SLC43A3: variants seen among roughly 807,000 people sequenced by gnomAD.
SLC43A3 encodes equilibrative nucleobase transporter 1.
In SLC43A3, 33 loss-of-function variants were observed where a neutral mutation model predicts 53.3. The ratio of observed to expected loss-of-function variants is 0.62; its 90% CI spans 0.47 to 0.83. SLC43A3 has a LOEUF of 0.83. Ranked by LOEUF, SLC43A3 falls within the 40% of genes least tolerant of loss-of-function variation. The probability of loss-of-function intolerance (pLI) is 0.00; values close to 1 mark genes in which losing one functional copy is unlikely to be tolerated. For synonymous variants in SLC43A3, 236 were observed against 246.2 expected, an observed-to-expected ratio of 0.96 and a Z score of 0.39; for missense variants, 530 against 610.0, an observed-to-expected ratio of 0.87 and a Z score of 1.38.
At chr11:57,409,021 C>A (rs960168564) in intron 13 of SLC43A3, among the ~76,000 whole-genome samples, 154 bp downstream of exon 13, 4 of 152,226 alleles carry the variant, frequency 2.6e-5, no homozygotes, top group African/African-American at 9.6e-5. Context: ...TTTCCCCACA[C>A]ACACAAATAC....
At chr11:57,409,848 C>G in intron 12 of SLC43A3, 87 bp downstream of exon 12, 1 of 1,335,144 alleles carries the variant, frequency 7.5e-7, no homozygotes, top group Non-Finnish European at 1.0e-6. Flanking sequence ...GCCTCCAGGC[C>G]CCGCCTTGCC....
At chr11:57,425,864 G>GAGAGC (rs376088991) in intron 3 of SLC43A3, 125 bp downstream of exon 3, 1 of 1,330,160 alleles carries the variant, frequency 7.5e-7, no homozygotes, top group African/African-American at 1.5e-5. Flanking sequence ...CAAGTGGGGT[G>GAGAGC]AGAGCTGCTG....
rs1942269650 is a variant in SLC43A3, at chr11:57,407,864, C to T, written c.1404G>A (p.Leu468=). The change falls in exon 14 of 14, where the codon CTG becomes CTA. Residue 468 remains leucine, a synonymous_variant. Transcript: ENST00000395124. ...VNVMFMLAIL[L]TFFHPFLVYR... is the part of the protein sequence containing the mutation. ...ATACCAGAAAGGGGTGGAAGAATGT[C>T]AGAAGAATGGCAAGCATGAACATCA... 6.2e-7 allele frequency: 1 copy of T among 1,613,682 alleles called. No homozygotes were observed. The highest frequency in any genetic ancestry group is 8.5e-7 in the Non-Finnish European group (1 of 1,179,636).
chr11:57,409,387 G>C, intron 12 of SLC43A3, 89 bp from the exon 13 acceptor site: 2 of 1,489,080 alleles, frequency 1.3e-6, no homozygotes, highest in Admixed American at 3.5e-5. Context: ...TCGGCCGCTT[G>C]TCCCCAGCTC....
At chr11:57,408,199 C>A (rs920105022) in intron 13 of SLC43A3, 5 of 288,192 alleles carry the variant, frequency 1.7e-5, no homozygotes, top group African/African-American at 1.1e-4. Flanking sequence ...GTAGAGGCAC[C>A]AGCTAGAATA....
chr11:57,418,034 T>C lies in SLC43A3; in HGVS notation c.532-147A>G, dbSNP rs1942801208. 3.9e-6 allele frequency: 3 copies of C among 764,602 alleles called. No individual in the cohort carries two copies. The Admixed American group carries it at 8.6e-5, about 22-fold the overall frequency. The allele number at this position is 764,602 out of a possible 1,614,324, so 47.4% of individuals were successfully genotyped here. A position where few individuals can be genotyped will look rare whatever the true frequency, so the allele number is the denominator to read the frequency against. The stretch of plus-strand genomic sequence containing the variant: ...GATCTATACACACAATGGAATATTA[T>C]TCAGCCTTAAAAAAGGAAAGAGGCA... On this transcript the variant is annotated intron_variant, in intron 7 of 13. Transcript: ENST00000395124.
intron 11 of SLC43A3, among the ~76,000 whole-genome samples, chr11:57,412,722 C>T (rs1428764161): frequency 1.3e-5 from 2 of 151,710 alleles, no homozygotes; most frequent in East Asian, 1.9e-4. Context: ...GCAGGAGAAT[C>T]GCTTGAACCT....
chr11:57,426,232 C>T lies in SLC43A3; in HGVS notation c.-60G>A. On this transcript the variant is annotated 5_prime_UTR_variant, in exon 3 of 14. Transcript: ENST00000395124. ...TGTCCTCCTGGACGGATCACAGGCG[C>T]CGTAAGCCTGGCGTTTGAGCACTTG... The T allele has an allele frequency of 2.0e-6, 3 of 1,535,516 alleles. No homozygotes were observed. The highest frequency in any genetic ancestry group is 2.7e-6 in the Non-Finnish European group (3 of 1,122,786).
At chr11:57,422,965 A>C (rs1398244322) in intron 5 of SLC43A3, among the ~76,000 whole-genome samples, 1 of 152,184 alleles carries the variant, frequency 6.6e-6, no homozygotes, top group African/African-American at 2.4e-5. Flanking sequence ...CATAGCTTAC[A>C]CACACAAGAG....
rs755928625 is a variant in SLC43A3 at position 57,425,675 on chromosome 11, A to C, written c.185-5T>G. 2 of 1,613,982 alleles carry C rather than the reference A, an allele frequency of 1.2e-6. No individual in the cohort carries two copies. Among genetic ancestry groups the C allele is most frequent in the Non-Finnish European group, 1.7e-6 (2 of 1,179,988 alleles). On this transcript the variant is annotated splice_region_variant and splice_polypyrimidine_tract_variant and intron_variant, in intron 3 of 13. Coordinates refer to ENST00000395124, the MANE Select transcript of SLC43A3 (RefSeq NM_199329.3). ...TCTCATCCTGGGCTTTGCAGTCTGG[A>C]GTAGAAAAAAGGTCTCCCATGCATC...
intron 13 of SLC43A3, 80 bp downstream of exon 13, chr11:57,409,095 G>T: frequency 7.0e-7 from 1 of 1,433,144 alleles, no homozygotes; most frequent in Non-Finnish European, 9.8e-7. Flanking sequence ...ACATACCCAG[G>T]CCATCACAGC....
chr11:57,410,121 C>T lies in SLC43A3; in HGVS notation c.1061G>A (p.Gly354Asp), dbSNP rs776083147. 6.3e-7 allele frequency: 1 copy of T among 1,592,812 alleles called. No homozygotes were observed. Among genetic ancestry groups the T allele is most frequent in the East Asian group, 2.2e-5 (1 of 44,474 alleles). ...GAGGGCCACCGCCAAAGTGGAGGAA[C>T]CTGGGCGAACAGAGAGGAAAAAGAA... ...QKYQKEARKT[G>D]SSTLAVALCS... Residue 354 changes from glycine to aspartate, a missense_variant and splice_region_variant, in exon 12 of 14, where the codon GGT becomes GAT. By Grantham distance (94) the Gly-to-Asp change is moderately conservative. This residue lies in a region of SLC43A3 where 376 missense variants were observed against 386.7 expected (regional missense o/e 0.97). Coordinates refer to ENST00000395124, the MANE Select transcript of SLC43A3 (RefSeq NM_199329.3).
chr11:57,421,787 T>C (rs940705121), intron 5 of SLC43A3, among the ~76,000 whole-genome samples: 2 of 152,236 alleles, frequency 1.3e-5, no homozygotes, highest in African/African-American at 4.8e-5. Context: ...GGTATTGGCC[T>C]TGAGCTTCAA....
At chr11:57,423,913 G>T in intron 5 of SLC43A3, 69 bp downstream of exon 5, 1 of 1,409,468 alleles carries the variant, frequency 7.1e-7, no homozygotes, top group Non-Finnish European at 1.0e-6. Context: ...ATAGCCCTCT[G>T]CTCACACCTG....
chr11:57,409,251 A>C lies in SLC43A3; in HGVS notation c.1295T>G (p.Leu432Trp). 1 of 1,614,196 alleles carries C rather than the reference A, an allele frequency of 6.2e-7. No homozygotes were observed. The highest frequency in any genetic ancestry group is 8.5e-7 in the Non-Finnish European group (1 of 1,180,020). Residue 432 changes from leucine to tryptophan, a missense_variant, in exon 13 of 14, where the codon TTG (leucine) becomes TGG (tryptophan). Leu to Trp is a moderately conservative substitution (Grantham distance 61). Transcript: ENST00000395124. ...FGKLFGLVMA[L>W]SAVVSLLQFP... Reference sequence around the variant, plus strand: ...CTGGAGCAGAGACACCACAGCCGACAAGGCCATCACCAGCCCAAAGAGCTT... The same window carrying C: ...CTGGAGCAGAGACACCACAGCCGACCAGGCCATCACCAGCCCAAAGAGCTT...
At chr11:57,411,362 A>C (rs1348798574) in intron 11 of SLC43A3, among the ~76,000 whole-genome samples, 1 of 149,984 alleles carries the variant, frequency 6.7e-6, no homozygotes, top group East Asian at 2.0e-4. Context: ...AATTTGGCCC[A>C]GTGTGGTGGC....
At chr11:57,426,776 G>A (rs973565324) in intron 1 of SLC43A3, 124 bp from the exon 2 acceptor site, 4 of 152,570 alleles carry the variant, frequency 2.6e-5, no homozygotes, top group Non-Finnish European at 5.9e-5. Context: ...AAGCTCCCAT[G>A]GATTTCAGGA....
intron 13 of SLC43A3, 77 bp downstream of exon 13, chr11:57,409,098 A>G: frequency 6.7e-7 from 1 of 1,489,538 alleles, no homozygotes; most frequent in Non-Finnish European, 9.4e-7. Context: ...TACCCAGGCC[A>G]TCACAGCCAG....
intron 5 of SLC43A3, 142 bp from the exon 6 acceptor site, chr11:57,421,515 A>G: frequency 3.2e-6 from 2 of 626,688 alleles, no homozygotes; most frequent in Admixed American, 2.9e-5. Flanking sequence ...GCGTCCTTCA[A>G]GGGTTTTTAG....
Sources: allele counts gnomAD v4.1 joint callset (sites outside exome capture counted in the v4.1 genomes callset), GRCh38; gene constraint gnomAD v4.1.1; regional missense constraint gnomAD v4.1.1; transcripts MANE v1.5; gene names NCBI Gene and HGNC (gene_info 2026-07-23, HGNC 2026-07-21).